The following GTF2IRD1 variants were observed in gnomAD, a reference collection of about 807,000 sequenced individuals.
The protein encoded by GTF2IRD1 is GTF2I repeat domain containing 1.
GTF2IRD1 carries 26 observed loss-of-function variants against 113.2 expected under a neutral mutation model. The observed-to-expected ratio is 0.23, with a 90% CI of 0.17 to 0.32. The LOEUF (loss-of-function observed/expected upper bound fraction) is 0.32. GTF2IRD1 is among the 10% of genes least tolerant of loss of function. The pLI is 1.00. For synonymous variants in GTF2IRD1, 484 were observed against 529.1 expected, an observed-to-expected ratio of 0.91 and a Z score of 1.17; for missense variants, 864 against 1,280.8, an observed-to-expected ratio of 0.67 and a Z score of 4.97.
intron 25 of GTF2IRD1, among the ~76,000 whole-genome samples, chr7:74,599,953 G>A (rs926172293): frequency 5.3e-5 from 8 of 152,102 alleles, no homozygotes; most frequent in Admixed American, 1.3e-4. Flanking sequence ...TGTGGCCTCC[G>A]GAGCCACGCA....
intron 2 of GTF2IRD1, among the ~76,000 whole-genome samples, chr7:74,509,202 T>C (rs2299954): frequency 0.1 from 15,496 of 151,398 alleles, 1,952 homozygotes; most frequent in East Asian, 0.39. Flanking sequence ...AGTAAAAATA[T>C]AAAAATTAGC....
chr7:74,519,794 G>A (rs781863963), intron 6 of GTF2IRD1, 75 bp downstream of exon 6: 305 of 1,121,110 alleles, frequency 2.7e-4, no homozygotes, highest in Middle Eastern at 8.2e-4. Flanking sequence ...GCCTCCCAGG[G>A]CAGGTCAGGA....
At chr7:74,491,678 A>G (rs1373467551) in intron 1 of GTF2IRD1, among the ~76,000 whole-genome samples, 3 of 152,160 alleles carry the variant, frequency 2.0e-5, no homozygotes, top group Admixed American at 6.6e-5. Flanking sequence ...TTGTGGCTGC[A>G]TAGTATTCCA....
chr7:74,526,258 G>A (rs1165015123), intron 8 of GTF2IRD1, among the ~76,000 whole-genome samples: 11 of 152,232 alleles, frequency 7.2e-5, no homozygotes, highest in Admixed American at 6.5e-4. Flanking sequence ...TCCAAAGAGT[G>A]TTGGGTGTGG....
intron 17 of GTF2IRD1, among the ~76,000 whole-genome samples, chr7:74,547,587 C>T (rs1323261885): frequency 4.0e-5 from 6 of 151,390 alleles, no homozygotes; most frequent in East Asian, 1.9e-4. Context: ...TACAGGTGCG[C>T]GCCACCACGC....
chr7:74,590,093 T>A (rs1369301455), intron 23 of GTF2IRD1, among the ~76,000 whole-genome samples, 165 bp downstream of exon 23: 1 of 152,036 alleles, frequency 6.6e-6, no homozygotes, highest in East Asian at 1.9e-4. Context: ...TGTTGATTTT[T>A]TTTTTTTAAA....
intron 1 of GTF2IRD1, among the ~76,000 whole-genome samples, chr7:74,456,575 C>G (rs1295969400): frequency 6.6e-6 from 1 of 151,788 alleles, no homozygotes; most frequent in African/African-American, 2.4e-5. Flanking sequence ...CCCAGCTGCT[C>G]GGGAGGCTGA....
rs117951048 is a variant in GTF2IRD1 at position 74,542,501 on chromosome 7, G to A, written c.1619-2254G>A. 9.1e-3 allele frequency among the ~76,000 whole-genome samples: 1,390 copies of A among 152,350 alleles called. 20 individuals carry two copies. Among genetic ancestry groups the A allele is most frequent in the South Asian group, 0.015 (72 of 4,830 alleles). On this transcript the variant is annotated intron_variant, in intron 14 of 26. Coordinates refer to ENST00000424337, the MANE Select transcript of GTF2IRD1 (RefSeq NM_005685.4). Reference sequence around the variant, plus strand: ...CTTTGCTTACAACTGTGTTGCAAACGTAATCACTGGGGACAAACAAGGGTA... The same window carrying A: ...CTTTGCTTACAACTGTGTTGCAAACATAATCACTGGGGACAAACAAGGGTA...
chr7:74,470,056 G>A (rs781542132), intron 1 of GTF2IRD1, among the ~76,000 whole-genome samples: 4 of 151,982 alleles, frequency 2.6e-5, no homozygotes, highest in African/African-American at 4.8e-5. Flanking sequence ...GGAGTGCAGC[G>A]GTGCAGTCTT....
intron 1 of GTF2IRD1, among the ~76,000 whole-genome samples, chr7:74,494,656 G>T (rs1325779876): frequency 6.6e-6 from 1 of 152,172 alleles, no homozygotes; most frequent in Admixed American, 6.5e-5. Context: ...GGAGGCCGAG[G>T]TGGGAAGATC....
At chr7:74,559,343 C>A (rs1301954717) in intron 21 of GTF2IRD1, among the ~76,000 whole-genome samples, 1 of 152,188 alleles carries the variant, frequency 6.6e-6, no homozygotes, top group Non-Finnish European at 1.5e-5. Context: ...AGGTATTCAG[C>A]CCCCATCAGA....
intron 1 of GTF2IRD1, among the ~76,000 whole-genome samples, chr7:74,478,817 C>T (rs1794573156): frequency 6.6e-6 from 1 of 151,928 alleles, no homozygotes. Flanking sequence ...GTGATCATGG[C>T]TCACTGCAAC....
At chr7:74,454,746 C>T (rs530243097) in intron 1 of GTF2IRD1, among the ~76,000 whole-genome samples, 10 of 152,160 alleles carry the variant, frequency 6.6e-5, no homozygotes, top group East Asian at 1.9e-4. Context: ...TGGTGGTGGC[C>T]GCTGAATCCC....
chr7:74,536,692 G>A (rs1158296394), intron 11 of GTF2IRD1, among the ~76,000 whole-genome samples: 4 of 152,092 alleles, frequency 2.6e-5, no homozygotes, highest in Middle Eastern at 3.2e-3. Context: ...TGTAATCCCA[G>A]CTACTCGGGA....
At chr7:74,541,592 T>G (rs1445540590) in intron 14 of GTF2IRD1, among the ~76,000 whole-genome samples, 1 of 150,972 alleles carries the variant, frequency 6.6e-6, no homozygotes, top group Non-Finnish European at 1.5e-5. Context: ...TGCCACTGAG[T>G]AAGACCCTAT....
At chr7:74,572,697 C>A in intron 22 of GTF2IRD1, 1 of 208,978 alleles carries the variant, frequency 4.8e-6, no homozygotes, top group Non-Finnish European at 8.3e-6. Flanking sequence ...TCTACCCTTC[C>A]AACTCTGTCT....
intron 1 of GTF2IRD1, among the ~76,000 whole-genome samples, chr7:74,481,757 C>T (rs1794753059): frequency 6.6e-6 from 1 of 152,176 alleles, no homozygotes; most frequent in Admixed American, 6.6e-5. Flanking sequence ...TTTGGGGAAA[C>T]ATCTTTGCAT....
At chr7:74,589,769 C>T in intron 22 of GTF2IRD1, 82 bp from the exon 23 acceptor site, 1 of 812,212 alleles carries the variant, frequency 1.2e-6, no homozygotes, top group South Asian at 1.4e-5. Flanking sequence ...TTTGGCAGAT[C>T]AGGGACGCCT....
chr7:74,471,017 C>A (rs1198031535), intron 1 of GTF2IRD1, among the ~76,000 whole-genome samples: 1 of 152,144 alleles, frequency 6.6e-6, no homozygotes, highest in Non-Finnish European at 1.5e-5. Context: ...GCTGGCCAGG[C>A]TGGTCTTAAA....
Sources: allele counts gnomAD v4.1 joint callset (sites outside exome capture counted in the v4.1 genomes callset), GRCh38; gene constraint gnomAD v4.1.1; transcripts MANE v1.5; gene names NCBI Gene and HGNC (gene_info 2026-07-23, HGNC 2026-07-21).